PHLPP2: variants seen among roughly 807,000 people sequenced by gnomAD.
The protein encoded by PHLPP2 is PH domain leucine-rich repeat-containing protein phosphatase 2.
Under a neutral mutation model 124.9 loss-of-function variants are expected in PHLPP2, and 66 were observed. The ratio of observed to expected loss-of-function variants is 0.53; its 90% confidence interval spans 0.43 to 0.65. The LOEUF is 0.65. Ranked by LOEUF, PHLPP2 falls within the 30% of genes least tolerant of loss-of-function variation. PHLPP2 has a pLI of 0.00. For missense variants in PHLPP2, 1,685 were observed against 1,600.4 expected, an observed-to-expected ratio of 1.05 and a Z score of -0.90; for synonymous variants, 681 against 624.7, an observed-to-expected ratio of 1.09 and a Z score of -1.34.
chr16:71,687,305 T>A (rs1195316123), intron 4 of PHLPP2, among the ~76,000 whole-genome samples: 1 of 152,216 alleles, frequency 6.6e-6, no homozygotes, highest in Admixed American at 6.5e-5. Context: ...ATATTCTGAA[T>A]ACAAGTCCTT....
chr16:71,649,505 G>A lies in PHLPP2; in HGVS notation c.3357C>T (p.Ser1119=). 3.1e-6 allele frequency: 5 copies of A among 1,614,124 alleles called. No individual in the cohort carries two copies. The highest frequency in any genetic ancestry group is 4.2e-6 in the Non-Finnish European group (5 of 1,180,020). The change falls in exon 19 of 19, where the codon AGC becomes AGT. Residue 1119 remains serine (S), a synonymous_variant. Coordinates refer to ENST00000568954, the MANE Select transcript of PHLPP2 (RefSeq NM_015020.3). ...GCCCAGAGGTGGGTGTTGGGTGGAG[G>A]CTGCAGCGCCGCTCTGGCCTCGGAA... ...ALLPRPERRC[S]LHPTPTSGLF...
At chr16:71,703,772 T>G (rs2045252728) in intron 2 of PHLPP2, among the ~76,000 whole-genome samples, 1 of 152,210 alleles carries the variant, frequency 6.6e-6, no homozygotes, top group South Asian at 2.1e-4. Flanking sequence ...ATAAGATGTT[T>G]AAATTTATTT....
chr16:71,659,190 T>C (rs10500559), intron 13 of PHLPP2, among the ~76,000 whole-genome samples: 43,256 of 151,464 alleles, frequency 0.29, 8,054 homozygotes, highest in East Asian at 0.74. Flanking sequence ...GTCAGCAGTC[T>C]TTAATACCCT....
chr16:71,703,415 A>C (rs565186768), intron 2 of PHLPP2, among the ~76,000 whole-genome samples: 178 of 152,310 alleles, frequency 1.2e-3, no homozygotes, highest in African/African-American at 4.1e-3. Context: ...ATTGAAAGCT[A>C]AGGTAAAACC....
At chr16:71,711,242 A>C (rs919993014) in intron 2 of PHLPP2, among the ~76,000 whole-genome samples, 1 of 151,954 alleles carries the variant, frequency 6.6e-6, no homozygotes, top group Non-Finnish European at 1.5e-5. Flanking sequence ...GAGGCAGGAG[A>C]ATCGCTTGAA....
chr16:71,681,376 C>G (rs1326942540), intron 6 of PHLPP2, among the ~76,000 whole-genome samples: 2 of 152,168 alleles, frequency 1.3e-5, no homozygotes, highest in Non-Finnish European at 2.9e-5. Context: ...AAGATAGAGC[C>G]TTGTCTCTCA....
intron 2 of PHLPP2, among the ~76,000 whole-genome samples, chr16:71,709,954 G>A (rs1482100358): frequency 6.6e-6 from 1 of 151,962 alleles, no homozygotes; most frequent in African/African-American, 2.4e-5. Context: ...CTACCTCAGC[G>A]TCCCAAGAAG....
chr16:71,673,103 TTA>T (rs141788215), intron 9 of PHLPP2, among the ~76,000 whole-genome samples: 1,902 of 152,348 alleles, frequency 0.012, 42 homozygotes, highest in African/African-American at 0.043. Flanking sequence ...TTTGCCCATT[TTA>T]GAGTTGATGA....
intron 3 of PHLPP2, among the ~76,000 whole-genome samples, chr16:71,699,281 G>A (rs1368912862): frequency 6.6e-6 from 1 of 152,116 alleles, no homozygotes; most frequent in Non-Finnish European, 1.5e-5. Flanking sequence ...ATCCCTGTTT[G>A]TCTGCTCTCT....
intron 3 of PHLPP2, among the ~76,000 whole-genome samples, chr16:71,699,303 C>T (rs555057308): frequency 1.3e-5 from 2 of 149,770 alleles, no homozygotes; most frequent in African/African-American, 2.4e-5. Flanking sequence ...CTGAATGGTT[C>T]TTTCTGAGTG....
intron 3 of PHLPP2, among the ~76,000 whole-genome samples, chr16:71,695,238 C>T (rs2045157866): frequency 6.6e-6 from 1 of 152,086 alleles, no homozygotes; most frequent in African/African-American, 2.4e-5. Flanking sequence ...AACCTATAAC[C>T]CAATAATTTC....
intron 2 of PHLPP2, among the ~76,000 whole-genome samples, chr16:71,709,585 C>T (rs1407260901): frequency 6.6e-6 from 1 of 152,208 alleles, no homozygotes; most frequent in Non-Finnish European, 1.5e-5. Context: ...CTAAGCTTCA[C>T]TAGTGAGTCA....
intron 10 of PHLPP2, among the ~76,000 whole-genome samples, chr16:71,670,698 A>ACACACACACACACACACACT (rs1567616849): frequency 6.6e-6 from 1 of 150,604 alleles, no homozygotes; most frequent in Non-Finnish European, 1.5e-5. Context: ...GGCTGAAAAC[A>ACACACACACACACACACACT]CACACACACA....
chr16:71,690,795 T>C (rs1262992738), intron 3 of PHLPP2, 86 bp from the exon 4 acceptor site: 3 of 853,868 alleles, frequency 3.5e-6, no homozygotes, highest in Non-Finnish European at 5.5e-6. Flanking sequence ...TGTGTCAACA[T>C]TCAACAACCT....
At chr16:71,656,711 A>G (rs776024670) in intron 15 of PHLPP2, 30 bp from the exon 16 acceptor site, 2 of 1,270,870 alleles carry the variant, frequency 1.6e-6, no homozygotes, top group African/African-American at 3.0e-5. Context: ...ATTAAACCAT[A>G]TATTCTTCTG....
chr16:71,648,088 C>G lies in PHLPP2; in HGVS notation c.*802G>C, dbSNP rs2044666178. 1 of 152,638 alleles carries G rather than the reference C, an allele frequency of 6.6e-6. No individual in the cohort carries two copies. The highest frequency in any genetic ancestry group is 6.5e-5 in the Admixed American group (1 of 15,280). The allele number at this position is 152,638 out of a possible 1,614,324, so 9.5% of individuals were successfully genotyped here. A position where few individuals can be genotyped will look rare whatever the true frequency, so the allele number is the denominator to read the frequency against. On this transcript the variant is annotated 3_prime_UTR_variant, in exon 19 of 19. Transcript: ENST00000568954. ...TTCCAACAGACATCATTTTGATAGG[C>G]TGTATTCTCGTAGAGAAGAATGAAA...
intron 1 of PHLPP2, among the ~76,000 whole-genome samples, chr16:71,715,795 T>C (rs1035447129): frequency 1.4e-5 from 2 of 140,642 alleles, no homozygotes; most frequent in Non-Finnish European, 3.0e-5. Context: ...TTGGCCAACA[T>C]GGTAAAGCCC....
At chr16:71,683,351 T>C (rs938000102) in intron 5 of PHLPP2, among the ~76,000 whole-genome samples, 1 of 152,206 alleles carries the variant, frequency 6.6e-6, no homozygotes, top group Admixed American at 6.5e-5. Context: ...CTAATTATCC[T>C]TGGCATATAG....
At chr16:71,656,436 A>G in intron 16 of PHLPP2, 135 bp downstream of exon 16, 1 of 590,932 alleles carries the variant, frequency 1.7e-6, no homozygotes, top group Non-Finnish European at 3.0e-6. Flanking sequence ...AAGGGATCTT[A>G]TCTGACGCTG....
Sources: allele counts gnomAD v4.1 joint callset (sites outside exome capture counted in the v4.1 genomes callset), GRCh38; gene constraint gnomAD v4.1.1; transcripts MANE v1.5; gene names NCBI Gene and HGNC (gene_info 2026-07-23, HGNC 2026-07-21).